The following SGTB variants were observed in gnomAD, a reference collection of about 807,000 sequenced individuals.
The protein encoded by SGTB is small glutamine rich tetratricopeptide repeat co-chaperone beta.
SGTB carries 19 observed loss-of-function variants against 43.9 expected under a neutral mutation model. The observed-to-expected ratio is 0.43, with a 90% CI of 0.30 to 0.63. The LOEUF (loss-of-function observed/expected upper bound fraction) is 0.63, where lower values mean the gene tolerates loss of function less well. Ranked by LOEUF, SGTB falls within the 30% of genes least tolerant of loss-of-function variation. The pLI, the probability that SGTB is intolerant of heterozygous loss-of-function variation, is 0.12. For synonymous variants in SGTB, 116 were observed against 117.3 expected, an observed-to-expected ratio of 0.99 and a Z score of 0.07; for missense variants, 304 against 358.9, an observed-to-expected ratio of 0.85 and a Z score of 1.24.
intron 3 of SGTB, among the ~76,000 whole-genome samples, chr5:65,712,467 C>G (rs928519513): frequency 2.6e-5 from 4 of 152,132 alleles, no homozygotes; most frequent in African/African-American, 9.7e-5. Context: ...GCACAGTGAC[C>G]CTTAACCCTT....
At position 65,713,036 on chromosome 5, in the gene SGTB, A is replaced by G. The variant is rs375959840; in HGVS notation, c.129T>C (p.Phe43=). 6.2e-7 allele frequency: 1 copy of G among 1,613,278 alleles called. No individual in the cohort carries two copies. The highest frequency in any genetic ancestry group is 8.5e-7 in the Non-Finnish European group (1 of 1,179,702). ...EVAIQCLETV[F]KISPEDTHLA... The stretch of plus-strand genomic sequence containing the variant: ...GGTGTGTATCTTCTGGGCTGATCTT[A>G]AAAACTGTCTCCAAGCACTGAATTG... Residue 43 remains phenylalanine, a synonymous_variant, in exon 3 of 11, where the codon TTT becomes TTC. Coordinates refer to ENST00000381007, the MANE Select transcript of SGTB (RefSeq NM_019072.3).
chr5:65,690,070 TAGAA>T (rs996681569), intron 5 of SGTB, among the ~76,000 whole-genome samples: 2 of 98,112 alleles, frequency 2.0e-5, no homozygotes, highest in East Asian at 2.8e-4. Flanking sequence ...TCCAAATAAT[TAGAA>T]AGAAAGAAAA....
Position 65,704,370 on chromosome 5 carries a change from G to A in SGTB, c.283C>T (p.His95Tyr), listed in dbSNP as rs138664208. Residue 95 changes from histidine (H) to tyrosine (Y), a missense_variant, in exon 5 of 11, where the codon CAC (histidine) becomes TAC (tyrosine). Transcript: ENST00000381007. ...ADQLKDEGNNHMKEENYAAAV... is the reference protein window; with the variant it reads ...ADQLKDEGNNYMKEENYAAAV... ...GCAGCATAATTTTCTTCTTTCATGT[G>A]GTTATTGCCTAAAATAAAGTAACCA... is the stretch of plus-strand genomic sequence containing the variant. 1.6e-5 allele frequency: 25 copies of A among 1,610,480 alleles called. No homozygotes were observed. In the Middle Eastern group the frequency reaches 8.3e-4, roughly 54 times the overall value.
At chr5:65,712,814 C>T (rs983885639) in intron 3 of SGTB, 147 bp downstream of exon 3, 9 of 465,282 alleles carry the variant, frequency 1.9e-5, no homozygotes, top group African/African-American at 1.4e-4. Context: ...ATTTTAGATA[C>T]CCAATTATAT....
At chr5:65,670,850 A>T (rs916100782) in intron 10 of SGTB, among the ~76,000 whole-genome samples, 1 of 152,220 alleles carries the variant, frequency 6.6e-6, no homozygotes, top group South Asian at 2.1e-4. Context: ...AGGTCATTCT[A>T]AAAATGCAAT....
intron 5 of SGTB, among the ~76,000 whole-genome samples, chr5:65,690,111 T>C (rs928093877): frequency 7.5e-6 from 1 of 133,668 alleles, no homozygotes; most frequent in Non-Finnish European, 1.6e-5. Flanking sequence ...AAGGGGGGGA[T>C]GTGGGGGAGA....
At chr5:65,677,917 C>G (rs1757314744) in intron 8 of SGTB, among the ~76,000 whole-genome samples, 1 of 152,154 alleles carries the variant, frequency 6.6e-6, no homozygotes, top group African/African-American at 2.4e-5. Flanking sequence ...AAGTGTTCCC[C>G]TTGAAAACCA....
chr5:65,670,383 G>T (rs750736384), intron 10 of SGTB, 26 bp from the exon 11 acceptor site: 1 of 1,579,238 alleles, frequency 6.3e-7, no homozygotes, highest in South Asian at 1.1e-5. Context: ...AATGTGGTTT[G>T]AATAGGGAAT....
chr5:65,701,310 G>A (rs897664618), intron 5 of SGTB, among the ~76,000 whole-genome samples: 1 of 152,118 alleles, frequency 6.6e-6, no homozygotes, highest in East Asian at 1.9e-4. Flanking sequence ...TGATAAGGCC[G>A]TTATAACAAG....
At chr5:65,674,161 T>C (rs1757217682) in intron 8 of SGTB, among the ~76,000 whole-genome samples, 1 of 152,124 alleles carries the variant, frequency 6.6e-6, no homozygotes, top group Admixed American at 6.6e-5. Context: ...TGTGGTTCTC[T>C]TATGGGGTAC....
chr5:65,717,904 A>C (rs1758181527), intron 2 of SGTB, among the ~76,000 whole-genome samples: 1 of 152,172 alleles, frequency 6.6e-6, no homozygotes, highest in Admixed American at 6.6e-5. Flanking sequence ...ATTTAAACAA[A>C]GTTGGGCTTT....
chr5:65,685,015 G>A (rs540856726), intron 6 of SGTB, among the ~76,000 whole-genome samples: 1 of 152,318 alleles, frequency 6.6e-6, no homozygotes, highest in East Asian at 1.9e-4. Flanking sequence ...TCACCAGAGA[G>A]GGGGTAGTGG....
chr5:65,691,799 C>A (rs547123213), intron 5 of SGTB, among the ~76,000 whole-genome samples: 1 of 151,296 alleles, frequency 6.6e-6, no homozygotes, highest in African/African-American at 2.4e-5. Context: ...GGCGTGGTGG[C>A]GGGCGCCTGT....
chr5:65,717,929 G>T (rs1306518182), intron 2 of SGTB, among the ~76,000 whole-genome samples: 1 of 152,054 alleles, frequency 6.6e-6, no homozygotes, highest in African/African-American at 2.4e-5. Flanking sequence ...GAAAGGGAAG[G>T]AGATACAAGG....
chr5:65,716,698 C>T (rs376221107), intron 2 of SGTB, among the ~76,000 whole-genome samples: 5 of 151,754 alleles, frequency 3.3e-5, no homozygotes, highest in East Asian at 3.9e-4. Context: ...ATCAGAAGTT[C>T]GGTTTTGGCC....
intron 5 of SGTB, among the ~76,000 whole-genome samples, chr5:65,701,778 G>A (rs554737399): frequency 2.0e-5 from 3 of 151,916 alleles, no homozygotes; most frequent in African/African-American, 7.2e-5. Context: ...GACTACAGGC[G>A]CCTGCCACCA....
rs201899907 is a variant in SGTB, at chr5:65,697,370, A to AT, written c.374+6908dup. On this transcript the variant is annotated intron_variant, in intron 5 of 10. Transcript: ENST00000381007. ...TTCTTCTAATACAGTACTGGTGGATATAAGACTATTCTCATCAAAAATAAA... is the reference window on the plus strand; with the variant it reads ...TTCTTCTAATACAGTACTGGTGGATATTAAGACTATTCTCATCAAAAATAAA... Among the ~76,000 whole-genome samples, 141 of 152,312 alleles carry AT rather than the reference A, an allele frequency of 9.3e-4. 1 individual carries two copies. In the East Asian group the frequency reaches 0.026, roughly 28 times the overall value.
chr5:65,675,012 A>G (rs943455667), intron 8 of SGTB, among the ~76,000 whole-genome samples: 7 of 152,216 alleles, frequency 4.6e-5, no homozygotes, highest in African/African-American at 1.7e-4. Context: ...TTTGAAGGAA[A>G]CAAAAGATGA....
chr5:65,700,682 C>CA (rs376335799), intron 5 of SGTB, among the ~76,000 whole-genome samples: 5,999 of 80,618 alleles, frequency 0.074, 192 homozygotes, highest in East Asian at 0.12. Context: ...CTCTGTCTCC[C>CA]AAAAAAAAAA....
Sources: gnomAD v4.1 joint callset for allele counts (sites outside exome capture counted in the v4.1 genomes callset) on GRCh38, gnomAD v4.1.1 for gene constraint, MANE v1.5 for transcripts, NCBI Gene and HGNC (gene_info 2026-07-23, HGNC 2026-07-21) for gene names.